Variants in ALDH1L2 observed in about 807,000 individuals in gnomAD.
ALDH1L2 encodes the protein aldehyde dehydrogenase 1 family member L2.
ALDH1L2 carries 91 observed loss-of-function variants against 111.0 expected under a neutral mutation model. The observed-to-expected ratio is 0.82, with a 90% CI of 0.69 to 0.98. The LOEUF is 0.98. Among genes scored for constraint, ALDH1L2 ranks in the 50% least tolerant of loss-of-function variants. The pLI, the probability that ALDH1L2 is intolerant of heterozygous loss-of-function variation, is 0.00. For synonymous variants in ALDH1L2, 374 were observed against 392.6 expected (o/e 0.95, Z 0.56); for missense variants, 995 against 1,126.8 (o/e 0.88, Z 1.67).
chr12:105,071,023 G>A (rs937729922), intron 2 of ALDH1L2, among the ~76,000 whole-genome samples: 1 of 152,174 alleles, frequency 6.6e-6, no homozygotes, highest in Admixed American at 6.5e-5. Flanking sequence ...GAACTGAAAA[G>A]TTTTTGGCTA....
At chr12:105,058,656 A>AGG (rs1876786733) in intron 9 of ALDH1L2, among the ~76,000 whole-genome samples, 1 of 152,248 alleles carries the variant, frequency 6.6e-6, no homozygotes, top group Non-Finnish European at 1.5e-5. Context: ...ATTTGTTTGT[A>AGG]TTACGTAGTT....
intron 1 of ALDH1L2, among the ~76,000 whole-genome samples, chr12:105,075,137 A>G (rs1242284765): frequency 5.3e-5 from 8 of 152,222 alleles, no homozygotes; most frequent in Admixed American, 5.2e-4. Flanking sequence ...ACCATTACCA[A>G]TGCCAGATAT....
intron 1 of ALDH1L2, among the ~76,000 whole-genome samples, chr12:105,078,778 C>G (rs543118041): frequency 2.0e-5 from 3 of 152,200 alleles, no homozygotes; most frequent in Non-Finnish European, 4.4e-5. Context: ...GAGAAGCCTT[C>G]TCCAGAAGGG....
intron 20 of ALDH1L2, among the ~76,000 whole-genome samples, 172 bp from the exon 21 acceptor site, chr12:105,030,601 G>T (rs1874646338): frequency 6.6e-6 from 1 of 152,028 alleles, no homozygotes; most frequent in Non-Finnish European, 1.5e-5. Flanking sequence ...ATTTTTTAAT[G>T]TCTTTATTAT....
chr12:105,025,297 A>G (rs908200696), intron 22 of ALDH1L2, among the ~76,000 whole-genome samples: 23 of 152,204 alleles, frequency 1.5e-4, no homozygotes, highest in Admixed American at 7.2e-4. Context: ...TGAAGCTCCC[A>G]GGTGATTTGA....
intron 4 of ALDH1L2, among the ~76,000 whole-genome samples, chr12:105,067,619 G>A (rs925593315): frequency 3.9e-5 from 6 of 152,136 alleles, no homozygotes; most frequent in African/African-American, 1.4e-4. Context: ...CGTTTGCCTT[G>A]AGTCGAGAGC....
intron 13 of ALDH1L2, chr12:105,048,554 A>G (rs1180359007): frequency 1.3e-5 from 2 of 152,128 alleles, no homozygotes; most frequent in Non-Finnish European, 2.9e-5. Context: ...AGTGGTTATT[A>G]TGAGTCTATG....
In ALDH1L2 at chr12:105,031,829, C is replaced by T; in HGVS notation, c.2350G>A (p.Glu784Lys). The change falls in exon 20 of 23, where the codon GAA becomes AAA. Residue 784 changes from glutamate (E) to lysine (K), a missense_variant. Coordinates refer to ENST00000258494, the MANE Select transcript of ALDH1L2 (RefSeq NM_001034173.4). ...GTGGCCCCTTCTTTCACTCCAGTTTCACAGTATTGCAGCAGCTTTTCCAGA... is the reference window on the plus strand; with the variant it reads ...GTGGCCCCTTCTTTCACTCCAGTTTTACAGTATTGCAGCAGCTTTTCCAGA... ...AHLEKLLQYC[E>K]TGVKEGATLV... The T allele has an allele frequency of 1.2e-6, 2 of 1,614,200 alleles. No individual in the cohort carries two copies. The highest frequency in any genetic ancestry group is 8.5e-7 in the Non-Finnish European group (1 of 1,180,028).
chr12:105,035,825 CTATATATA>C (rs370890697), intron 18 of ALDH1L2, among the ~76,000 whole-genome samples: 2 of 62,982 alleles, frequency 3.2e-5, no homozygotes, highest in African/African-American at 1.6e-4. Flanking sequence ...TATAGTGTGT[CTATATATA>C]TATATATGTG....
chr12:105,032,010 T>C, intron 19 of ALDH1L2, 76 bp from the exon 20 acceptor site: 8 of 1,482,066 alleles, frequency 5.4e-6, no homozygotes, highest in East Asian at 2.3e-5. Flanking sequence ...GTAGGTGTTA[T>C]ACTAAGGTGT....
intron 19 of ALDH1L2, among the ~76,000 whole-genome samples, chr12:105,032,971 T>C (rs996664270): frequency 6.6e-6 from 1 of 152,238 alleles, no homozygotes; most frequent in East Asian, 1.9e-4. Context: ...CTGACATGTA[T>C]TTGTAATTAT....
At position 105,038,238 on chromosome 12, in the gene ALDH1L2, AAC is replaced by A. The variant is rs1260091440; in HGVS notation, c.2046-38_2046-37del. 3.0e-6 allele frequency: 4 copies of A among 1,347,178 alleles called. No individual in the cohort carries two copies. In the Admixed American group the frequency reaches 5.2e-5, roughly 18 times the overall value. The allele number at this position is 1,347,178 out of a possible 1,614,324, so 83.5% of individuals were successfully genotyped here. A position where few individuals can be genotyped will look rare whatever the true frequency, so the allele number is the denominator to read the frequency against. On this transcript the variant is annotated intron_variant, in intron 17 of 22. Coordinates refer to ENST00000258494, the MANE Select transcript of ALDH1L2 (RefSeq NM_001034173.4). ...ACAAATGAGAAATGAGCATTTAGTT[AAC>A]ATCTCTCTCTCTCTCTCTCTCACAC...
At chr12:105,080,929 C>T (rs1878308044) in intron 1 of ALDH1L2, among the ~76,000 whole-genome samples, 1 of 152,138 alleles carries the variant, frequency 6.6e-6, no homozygotes. Context: ...ATTCAACCAA[C>T]CATGAATCGA....
chr12:105,034,342 C>T lies in ALDH1L2; in HGVS notation c.2202G>A (p.Leu734=). Residue 734 remains leucine, a synonymous_variant, in exon 19 of 23, where the codon TTG becomes TTA. Transcript: ENST00000258494. ...CGTCGTGGATGGATTCTTCCACGAACAACCGCCCAGCAGCAATACAGTTCT... is the reference window on the plus strand; with the variant it reads ...CGTCGTGGATGGATTCTTCCACGAATAACCGCCCAGCAGCAATACAGTTCT... ...KGENCIAAGR[L]FVEESIHDEF... The T allele has an allele frequency of 2.5e-6, 4 of 1,613,902 alleles. No individual in the cohort carries two copies. The highest frequency in any genetic ancestry group is 3.4e-6 in the Non-Finnish European group (4 of 1,179,928).
chr12:105,022,277 GC>G lies in ALDH1L2; in HGVS notation c.*2146del, dbSNP rs1874200500. The stretch of plus-strand genomic sequence containing the variant: ...GTTCTTAATCTGGGGCCCAAGCATG[GC>G]CTTTGGGAGGTCTGTGAACCCTTTG... On this transcript the variant is annotated 3_prime_UTR_variant, in exon 23 of 23. Coordinates refer to ENST00000258494, the MANE Select transcript of ALDH1L2 (RefSeq NM_001034173.4). 1 of 152,184 alleles carries G rather than the reference GC, an allele frequency of 6.6e-6. No individual in the cohort carries two copies. The highest frequency in any genetic ancestry group is 2.4e-5 in the African/African-American group (1 of 41,438). The allele number at this position is 152,184 out of a possible 1,614,324, so 9.4% of individuals were successfully genotyped here.
At chr12:105,039,915 G>T in intron 16 of ALDH1L2, 109 bp from the exon 17 acceptor site, 1 of 891,986 alleles carries the variant, frequency 1.1e-6, no homozygotes, top group Non-Finnish European at 1.8e-6. Flanking sequence ...CAGATCACAA[G>T]GTCAGGAGAT....
Position 105,060,983 on chromosome 12 carries a change from G to C in ALDH1L2, c.1137C>G (p.Ala379=), listed in dbSNP as rs765336270. 1 of 1,613,598 alleles carries C rather than the reference G, an allele frequency of 6.2e-7. No individual in the cohort carries two copies. Among genetic ancestry groups the C allele is most frequent in the African/African-American group, 1.3e-5 (1 of 74,892 alleles). ...AGTCAATAAGGGCGTGGTTTTACCT[G>C]GCAACATCCATTGAGCTTGCTCCAG... ...FKSGASSMDV[A]RLVEEIRQKC... The change falls in exon 9 of 23, where the codon GCC becomes GCG. Residue 379 remains alanine, a splice_region_variant and synonymous_variant. Transcript: ENST00000258494.
At chr12:105,060,827 G>GGAA in intron 9 of ALDH1L2, 154 bp downstream of exon 9, 5 of 138,426 alleles carry the variant, frequency 3.6e-5, no homozygotes, top group South Asian at 2.1e-4. Flanking sequence ...TCCATCTCAG[G>GGAA]AAAAAAAAAA....
intron 10 of ALDH1L2, among the ~76,000 whole-genome samples, chr12:105,057,306 G>A (rs1876691471): frequency 6.6e-6 from 1 of 152,064 alleles, no homozygotes; most frequent in African/African-American, 2.4e-5. Flanking sequence ...CTCATACATT[G>A]GTGGGATTAC....
Sources: allele counts gnomAD v4.1 joint callset (sites outside exome capture counted in the v4.1 genomes callset), GRCh38; gene constraint gnomAD v4.1.1; transcripts MANE v1.5; gene names NCBI Gene and HGNC (gene_info 2026-07-23, HGNC 2026-07-21).